Variants in ACYP2 observed in about 807,000 individuals in gnomAD.
The protein encoded by ACYP2 is acylphosphatase 2.
A neutral mutation model predicts 11.2 loss-of-function variants in ACYP2; 12 were observed. That is an observed-to-expected ratio of 1.08 (90% CI 0.69 to 1.74). The LOEUF (loss-of-function observed/expected upper bound fraction) is 1.74, where lower values mean the gene tolerates loss of function less well. Ranked by LOEUF, ACYP2 falls within the 40% of genes most tolerant of loss-of-function variation. The pLI, the probability that ACYP2 is intolerant of heterozygous loss-of-function variation, is 0.00. For missense variants in ACYP2, 134 were observed against 101.9 expected (o/e 1.31, Z -1.35); for synonymous variants, 43 against 32.2 (o/e 1.33, Z -1.13).
chr2:54,089,821 T>C (rs909671624), intron 4 of ACYP2, among the ~76,000 whole-genome samples: 15 of 152,020 alleles, frequency 9.9e-5, no homozygotes, highest in African/African-American at 3.4e-4. Flanking sequence ...TCAGCATTTT[T>C]CCCACTGAAT....
chr2:53,997,537 C>T (rs1672630890), intron 2 of ACYP2, among the ~76,000 whole-genome samples: 1 of 139,442 alleles, frequency 7.2e-6, no homozygotes, highest in African/African-American at 2.5e-5. Context: ...AACTCCTGAC[C>T]TCAGGTGATC....
chr2:54,275,061 A>C (rs1046704489), intron 6 of ACYP2, among the ~76,000 whole-genome samples: 1 of 145,956 alleles, frequency 6.9e-6, no homozygotes, highest in African/African-American at 2.6e-5. Flanking sequence ...GTGTAAGGTA[A>C]GGTATAAAAG....
intron 6 of ACYP2, among the ~76,000 whole-genome samples, chr2:54,268,040 C>T (rs1344528717): frequency 6.6e-6 from 1 of 152,188 alleles, no homozygotes; most frequent in Non-Finnish European, 1.5e-5. Flanking sequence ...ACAATACCTG[C>T]ACCCCATTTG....
intron 6 of ACYP2, chr2:54,256,264 T>TTCAGTCTCGCGACACCCACCCC (rs1346535719): frequency 3.3e-5 from 42 of 1,259,576 alleles, no homozygotes; most frequent in Middle Eastern, 2.7e-4. Context: ...CCGCCCACTC[T>TTCAGTCTCGCGACACCCACCCC]TCAGTCTCGC....
At chr2:54,259,041 A>G (rs759893759) in intron 6 of ACYP2, among the ~76,000 whole-genome samples, 33 of 152,244 alleles carry the variant, frequency 2.2e-4, no homozygotes, top group Non-Finnish European at 4.6e-4. Flanking sequence ...ATCCATCTTA[A>G]CAACCTGATC....
At chr2:54,273,108 C>A (rs1346235869) in intron 6 of ACYP2, among the ~76,000 whole-genome samples, 1 of 152,180 alleles carries the variant, frequency 6.6e-6, no homozygotes, top group Non-Finnish European at 1.5e-5. Context: ...TATCTTTCTG[C>A]TTCTGTTACA....
chr2:54,270,340 T>C (rs1424594612), intron 6 of ACYP2, among the ~76,000 whole-genome samples: 1 of 152,266 alleles, frequency 6.6e-6, no homozygotes, highest in Non-Finnish European at 1.5e-5. Flanking sequence ...AATTAAAGGA[T>C]ATAGTTAACT....
intron 6 of ACYP2, among the ~76,000 whole-genome samples, chr2:54,218,161 G>A (rs1685634817): frequency 6.6e-6 from 1 of 152,132 alleles, no homozygotes; most frequent in African/African-American, 2.4e-5. Flanking sequence ...GTGAAAAGTA[G>A]TCTTGTTCTT....
chr2:54,077,077 C>T lies in ACYP2; in HGVS notation c.277+19717C>T, dbSNP rs375686222. On this transcript the variant is annotated intron_variant, in intron 4 of 6. Coordinates refer to ENST00000607452, the MANE Select transcript of ACYP2 (RefSeq NM_001320586.2). ...ATACAGAGCTAATGAAACCTACCCT[C>T]ACTTTGAGTTACTATTTAATGCATT... Among the ~76,000 whole-genome samples the T allele has an allele frequency of 2.0e-4, 30 of 152,318 alleles. 1 individual carries two copies. Among genetic ancestry groups the T allele is most frequent in the African/African-American group, 7.2e-4 (30 of 41,572 alleles).
chr2:54,302,652 G>A (rs7595149), intron 6 of ACYP2, among the ~76,000 whole-genome samples: 16,606 of 151,878 alleles, frequency 0.11, 1,177 homozygotes, highest in African/African-American at 0.2. Context: ...TCACCATCTC[G>A]CTTTGGATGT....
Position 54,182,209 on chromosome 2 carries a change from G to A in ACYP2, c.404+43461G>A, listed in dbSNP as rs1457891250. Reference sequence around the variant, plus strand: ...CGAGTAGCTGGGATTACAGGCGCCCGCCACCACGTCAGTCTAATTTTTGTA... The same window carrying A: ...CGAGTAGCTGGGATTACAGGCGCCCACCACCACGTCAGTCTAATTTTTGTA... On this transcript the variant is annotated intron_variant, in intron 6 of 6. Coordinates refer to ENST00000607452, the MANE Select transcript of ACYP2 (RefSeq NM_001320586.2). 4.6e-5 allele frequency among the ~76,000 whole-genome samples: 7 copies of A among 151,482 alleles called. No individual in the cohort carries two copies. The South Asian group carries it at 6.3e-4, about 14-fold the overall frequency.
chr2:54,182,047 A>ATTTTTT lies in ACYP2; in HGVS notation c.404+43320_404+43325dup, dbSNP rs35145998. Among the ~76,000 whole-genome samples, 18 of 83,064 alleles carry ATTTTTT rather than the reference A, an allele frequency of 2.2e-4. 1 individual carries two copies. Among genetic ancestry groups the ATTTTTT allele is most frequent in the African/African-American group, 8.3e-4 (16 of 19,360 alleles). The allele number at this position is 83,064 out of a possible 152,430, so 54.5% of individuals were successfully genotyped here. On this transcript the variant is annotated intron_variant, in intron 6 of 6. Transcript: ENST00000607452. Reference sequence around the variant, plus strand: ...AAAGAAAACAGAAAAATAGAAGATAATTTTTTTTTTTTTTTTTTTTTTTTT... The same window carrying ATTTTTT: ...AAAGAAAACAGAAAAATAGAAGATAATTTTTTTTTTTTTTTTTTTTTTTTTTTTTTT...
intron 6 of ACYP2, among the ~76,000 whole-genome samples, chr2:54,250,221 A>G (rs1335118946): frequency 6.6e-6 from 1 of 152,096 alleles, no homozygotes; most frequent in Non-Finnish European, 1.5e-5. Flanking sequence ...GGCTCACGCT[A>G]TAATCCCAGC....
intron 2 of ACYP2, among the ~76,000 whole-genome samples, chr2:53,993,043 C>T (rs1018016641): frequency 4.6e-5 from 7 of 151,738 alleles, no homozygotes; most frequent in Non-Finnish European, 1.0e-4. Flanking sequence ...CTGTTTCTAC[C>T]CAAAATACAA....
At chr2:54,013,055 C>T (rs6715278) in intron 2 of ACYP2, among the ~76,000 whole-genome samples, 2,456 of 152,192 alleles carry the variant, frequency 0.016, 36 homozygotes, top group African/African-American at 0.037. Context: ...ATATATCTAT[C>T]TGCATGCATG....
intron 2 of ACYP2, among the ~76,000 whole-genome samples, chr2:53,988,510 C>T (rs987619915): frequency 9.9e-5 from 15 of 152,026 alleles, no homozygotes; most frequent in African/African-American, 3.6e-4. Flanking sequence ...AAGTGATCCT[C>T]TTGCCTCAGC....
At chr2:54,303,470 A>G (rs939058656) in intron 6 of ACYP2, among the ~76,000 whole-genome samples, 3 of 152,220 alleles carry the variant, frequency 2.0e-5, no homozygotes, top group African/African-American at 7.2e-5. Context: ...AGTTGAAGCT[A>G]TCAGTTCCTT....
intron 6 of ACYP2, among the ~76,000 whole-genome samples, chr2:54,235,758 T>G (rs779041070): frequency 2.6e-5 from 4 of 152,190 alleles, no homozygotes; most frequent in Non-Finnish European, 4.4e-5. Context: ...ATAAAAGGTA[T>G]GTTTTCTTGA....
At chr2:54,055,172 G>C (rs1470825615) in intron 3 of ACYP2, among the ~76,000 whole-genome samples, 2 of 152,042 alleles carry the variant, frequency 1.3e-5, no homozygotes, top group Non-Finnish European at 2.9e-5. Flanking sequence ...AAGTAGCTGG[G>C]ACTACAGGTG....
Sources: allele counts gnomAD v4.1 joint callset (sites outside exome capture counted in the v4.1 genomes callset), GRCh38; gene constraint gnomAD v4.1.1; transcripts MANE v1.5; gene names NCBI Gene and HGNC (gene_info 2026-07-23, HGNC 2026-07-21).